MOBP: variants seen among roughly 807,000 people sequenced by gnomAD.
The protein encoded by MOBP is myelin associated oligodendrocyte basic protein.
Under a neutral mutation model 15.0 loss-of-function variants are expected in MOBP, and 5 were observed. The observed-to-expected ratio is 0.33, with a 90% CI of 0.17 to 0.70. The LOEUF (loss-of-function observed/expected upper bound fraction) is 0.70. MOBP is among the 30% of genes least tolerant of loss of function. The pLI is 0.67. For missense variants in MOBP, 188 were observed against 257.8 expected, an observed-to-expected ratio of 0.73 and a Z score of 1.85; for synonymous variants, 88 against 99.0, an observed-to-expected ratio of 0.89 and a Z score of 0.66.
Position 39,502,083 on chromosome 3 carries a change from C to T in MOBP, c.14C>T (p.Pro5Leu), listed in dbSNP as rs141161012. 8 of 1,613,770 alleles carry T rather than the reference C, an allele frequency of 5.0e-6. No individual in the cohort carries two copies. The Admixed American group carries it at 8.3e-5, about 17-fold the overall frequency. Residue 5 changes from proline (P) to leucine (L), a missense_variant, in exon 3 of 4, where the codon CCG (proline) becomes CTG (leucine). Transcript: ENST00000684792. The surrounding 1 kb of genome is among the most constrained non-coding windows in gnomAD (Gnocchi z 6.3). MSQK[P>L]AKEGPRLSKN... The stretch of plus-strand genomic sequence containing the variant: ...ATTTCCAGTGAGATGAGTCAGAAAC[C>T]GGCCAAGGAGGGTCCCAGACTCTCC...
rs1272392804 is a variant in MOBP, at chr3:39,513,274, CAA to C, written c.*-107_*-106del. Reference sequence around the variant, plus strand: ...AGAGAAGGATTTTGCAGAATAACCTCAAAGGTAGTCTCAAAATCCACAATTAT... The same window carrying C: ...AGAGAAGGATTTTGCAGAATAACCTCAGGTAGTCTCAAAATCCACAATTAT... On this transcript the variant is annotated intron_variant, in intron 4 of 4. Transcript: ENST00000311042. 4 of 920,198 alleles carry C rather than the reference CAA, an allele frequency of 4.3e-6. No individual in the cohort carries two copies. In the East Asian group the frequency reaches 1.1e-4, roughly 25 times the overall value. 57.0% of individuals were successfully genotyped at this position (920,198 alleles called of 1,614,324 possible). A position where few individuals can be genotyped will look rare whatever the true frequency, so the allele number is the denominator to read the frequency against.
At position 39,484,378 on chromosome 3, in the gene MOBP, A is replaced by G. The variant is rs570139072; in HGVS notation, c.-5+4255A>G. Among the ~76,000 whole-genome samples, 7 of 152,310 alleles carry G rather than the reference A, an allele frequency of 4.6e-5. No individual in the cohort carries two copies. The South Asian group carries it at 1.5e-3, about 32-fold the overall frequency. ...TGAGAAACAAGGACTTGGTTCTGTA[A>G]CTGAGGCGACCCTTAAAGTTTTTGA... On this transcript the variant is annotated intron_variant, in intron 2 of 3. Transcript: ENST00000684792.
At chr3:39,522,454 A>G (rs886636800) in intron 3 of MOBP, among the ~76,000 whole-genome samples, 3 of 152,120 alleles carry the variant, frequency 2.0e-5, no homozygotes, top group Non-Finnish European at 4.4e-5. Flanking sequence ...TCTCCCCCCA[A>G]TTATTTGATA....
At chr3:39,486,345 C>A (rs889122436) in intron 2 of MOBP, among the ~76,000 whole-genome samples, 1 of 152,076 alleles carries the variant, frequency 6.6e-6, no homozygotes, top group Admixed American at 6.6e-5. Context: ...TCTCATTCCA[C>A]GTGTTTGCTA....
intron 4 of MOBP, among the ~76,000 whole-genome samples, chr3:39,510,221 T>G (rs2043102125): frequency 6.6e-6 from 1 of 152,162 alleles, no homozygotes; most frequent in Non-Finnish European, 1.5e-5. Context: ...ACTTTATTAC[T>G]GTAGCTTAGT....
chr3:39,505,536 ATC>A (rs1192781974), downstream of MOBP, among the ~76,000 whole-genome samples: 1 of 152,028 alleles, frequency 6.6e-6, no homozygotes, highest in East Asian at 1.9e-4. Flanking sequence ...ACTCTTTCCT[ATC>A]TGGGAGCAGT....
chr3:39,485,613 C>T (rs558189584), intron 2 of MOBP, among the ~76,000 whole-genome samples: 16 of 152,272 alleles, frequency 1.1e-4, no homozygotes, highest in East Asian at 9.6e-4. Context: ...TAGAAGCACC[C>T]GTGTGCACTC....
chr3:39,470,148 C>T (rs1575278607), intron 1 of MOBP, among the ~76,000 whole-genome samples: 1 of 152,196 alleles, frequency 6.6e-6, no homozygotes, highest in Admixed American at 6.5e-5. Context: ...TTGACGGGGA[C>T]GTCTGCCCTA....
intron 2 of MOBP, among the ~76,000 whole-genome samples, chr3:39,498,262 G>C (rs1476307208): frequency 6.6e-6 from 1 of 152,216 alleles, no homozygotes; most frequent in Admixed American, 6.5e-5. Flanking sequence ...ATATAGAACT[G>C]CTTAAGCAGG....
chr3:39,498,122 A>C (rs1475581576), intron 2 of MOBP, among the ~76,000 whole-genome samples: 6 of 152,244 alleles, frequency 3.9e-5, no homozygotes, highest in African/African-American at 1.4e-4. Flanking sequence ...AACTTAATTT[A>C]ACAGCCTGTA....
At chr3:39,490,942 G>T (rs182691980) in intron 2 of MOBP, among the ~76,000 whole-genome samples, 1 of 152,094 alleles carries the variant, frequency 6.6e-6, no homozygotes, top group African/African-American at 2.4e-5. Context: ...GCCATGTACC[G>T]GAAGGAATTA....
In MOBP at chr3:39,495,029, G is replaced by A. The variant is rs140800048; in HGVS notation, c.-4-7037G>A. On this transcript the variant is annotated intron_variant, in intron 2 of 3. Coordinates refer to ENST00000684792, the MANE Select transcript of MOBP (RefSeq NM_001393704.1). Reference sequence around the variant, plus strand: ...CACCTCACAGGAAGTGGCTTCACCTGTGAAGTTGAGCTGTGGTCCAAGATG... The same window carrying A: ...CACCTCACAGGAAGTGGCTTCACCTATGAAGTTGAGCTGTGGTCCAAGATG... Among the ~76,000 whole-genome samples, 96 of 152,246 alleles carry A rather than the reference G, an allele frequency of 6.3e-4. 1 individual carries two copies. The highest frequency in any genetic ancestry group is 2.2e-3 in the African/African-American group (90 of 41,526).
intron 4 of MOBP, among the ~76,000 whole-genome samples, chr3:39,512,905 T>C (rs2043137775): frequency 6.6e-6 from 1 of 152,216 alleles, no homozygotes; most frequent in Non-Finnish European, 1.5e-5. Context: ...CTAATGTCTT[T>C]ATTGGATGTT....
At position 39,502,988 on chromosome 3, in the gene MOBP, G is replaced by T. The variant is rs1457382314; in HGVS notation, c.*108G>T. On this transcript the variant is annotated 3_prime_UTR_variant, in exon 4 of 4. Transcript: ENST00000684792. The surrounding 1 kb of genome is among the most constrained non-coding windows in gnomAD (Gnocchi z 6.3). Reference sequence around the variant, plus strand: ...CCTCTTCAGCCTTATTACCCAACCTGTGTAATCAGCTCCCTCCATTAAATC... The same window carrying T: ...CCTCTTCAGCCTTATTACCCAACCTTTGTAATCAGCTCCCTCCATTAAATC... 1 of 599,698 alleles carries T rather than the reference G, an allele frequency of 1.7e-6. No homozygotes were observed. Among genetic ancestry groups the T allele is most frequent in the Non-Finnish European group, 2.9e-6 (1 of 344,268 alleles). 37.1% of individuals were successfully genotyped at this position (599,698 alleles called of 1,614,324 possible). A position where few individuals can be genotyped will look rare whatever the true frequency, so the allele number is the denominator to read the frequency against.
chr3:39,481,930 C>T (rs2042634033), intron 2 of MOBP, among the ~76,000 whole-genome samples: 1 of 152,174 alleles, frequency 6.6e-6, no homozygotes, highest in Admixed American at 6.5e-5. Flanking sequence ...TTCTACCTCT[C>T]CCATTCAGCC....
chr3:39,511,291 A>C (rs2043115766), intron 4 of MOBP, among the ~76,000 whole-genome samples: 1 of 152,166 alleles, frequency 6.6e-6, no homozygotes, highest in African/African-American at 2.4e-5. Flanking sequence ...CCATGTGTGG[A>C]CCAAAGACTA....
intron 2 of MOBP, among the ~76,000 whole-genome samples, chr3:39,501,544 T>G (rs1559423816): frequency 6.6e-6 from 1 of 152,178 alleles, no homozygotes; most frequent in Non-Finnish European, 1.5e-5. Flanking sequence ...ACACAGCTTG[T>G]TTTCTTGTGT....
At chr3:39,484,945 G>A (rs1200077414) in intron 2 of MOBP, among the ~76,000 whole-genome samples, 2 of 152,180 alleles carry the variant, frequency 1.3e-5, no homozygotes, top group South Asian at 2.1e-4. Flanking sequence ...AAACAATGAG[G>A]GCATTTAACA....
intron 1 of MOBP, among the ~76,000 whole-genome samples, chr3:39,475,982 T>C (rs978099221): frequency 6.6e-6 from 1 of 152,238 alleles, no homozygotes; most frequent in African/African-American, 2.4e-5. Context: ...GAGTAATTTA[T>C]AGAAAAAAGA....
Sources: gnomAD v4.1 joint callset for allele counts (sites outside exome capture counted in the v4.1 genomes callset) on GRCh38, gnomAD v4.1.1 for gene constraint, Gnocchi (gnomAD v3.1) non-coding constraint, MANE v1.5 for transcripts, NCBI Gene and HGNC (gene_info 2026-07-23, HGNC 2026-07-21) for gene names.